The following GALNT13 variants were observed in gnomAD, a reference collection of about 807,000 sequenced individuals.
The protein encoded by GALNT13 is UDP-GalNAc:polypeptide N-acetylgalactosaminyltransferase 13.
GALNT13 carries 28 observed loss-of-function variants against 64.2 expected under a neutral mutation model. That is an observed-to-expected ratio of 0.44 (90% confidence interval 0.32 to 0.60). The LOEUF is 0.60. GALNT13 is among the 20% of genes least tolerant of loss of function. The pLI, the probability that GALNT13 is intolerant of heterozygous loss-of-function variation, is 0.05. For missense variants in GALNT13, 577 were observed against 669.8 expected (o/e 0.86, Z 1.53); for synonymous variants, 214 against 224.6 (o/e 0.95, Z 0.42).
chr2:153,810,166 T>A, the GALNT13 span, among the ~76,000 whole-genome samples: 1 of 152,156 alleles, frequency 6.6e-6, no homozygotes, highest in Non-Finnish European at 1.5e-5. Context: ...TGTTTCACCT[T>A]GTTAGCCAGG....
chr2:154,166,813 T>G (rs1479512043), intron 4 of GALNT13, among the ~76,000 whole-genome samples: 1 of 152,200 alleles, frequency 6.6e-6, no homozygotes, highest in East Asian at 1.9e-4. Context: ...AAGGATGAGT[T>G]CATGTCCTTT....
chr2:153,104,404 G>T, the GALNT13 span, among the ~76,000 whole-genome samples: 3 of 152,108 alleles, frequency 2.0e-5, no homozygotes, highest in Admixed American at 6.6e-5. Context: ...AAAAATTTTT[G>T]GATTTCTGAC....
chr2:153,119,352 C>T, the GALNT13 span, among the ~76,000 whole-genome samples: 1 of 151,908 alleles, frequency 6.6e-6, no homozygotes, highest in South Asian at 2.1e-4. Context: ...ATACTAGAAC[C>T]CTAAATTAAT....
At chr2:154,211,801 A>G (rs1559027629) in intron 4 of GALNT13, among the ~76,000 whole-genome samples, 1 of 152,078 alleles carries the variant, frequency 6.6e-6, no homozygotes, top group African/African-American at 2.4e-5. Flanking sequence ...TTATGGTCCT[A>G]GATAAGATAT....
At chr2:153,591,566 C>A in the GALNT13 span, among the ~76,000 whole-genome samples, 2 of 151,988 alleles carry the variant, frequency 1.3e-5, no homozygotes, top group Admixed American at 6.6e-5. Context: ...GCTACAGTAA[C>A]CAAAACAGCA....
chr2:154,206,895 G>A (rs1365126134), intron 4 of GALNT13, among the ~76,000 whole-genome samples: 3 of 151,870 alleles, frequency 2.0e-5, no homozygotes, highest in Non-Finnish European at 4.4e-5. Context: ...GTGCAAATCA[G>A]CAATCAGGAT....
intron 3 of GALNT13, among the ~76,000 whole-genome samples, chr2:154,008,796 G>A (rs1696429560): frequency 6.6e-6 from 1 of 151,948 alleles, no homozygotes; most frequent in African/African-American, 2.4e-5. Flanking sequence ...GAATTCCATG[G>A]TATATATATG....
At chr2:153,579,476 T>A in the GALNT13 span, among the ~76,000 whole-genome samples, 1 of 152,226 alleles carries the variant, frequency 6.6e-6, no homozygotes, top group Non-Finnish European at 1.5e-5. Context: ...CTGATTGTAA[T>A]GTTATTTTGA....
Position 154,229,063 on chromosome 2 carries a change from C to A in GALNT13, c.312-12967C>A, listed in dbSNP as rs1688776583. 2.0e-5 allele frequency among the ~76,000 whole-genome samples: 3 copies of A among 151,806 alleles called. No homozygotes were observed. The South Asian group carries it at 6.2e-4, about 32-fold the overall frequency. ...CCGGGGCAAGCCTCTTGTCCTTTGC[C>A]AACACTGGGCTGTTCTTAATGTAGT... is the stretch of plus-strand genomic sequence containing the variant. On this transcript the variant is annotated intron_variant, in intron 4 of 12. Transcript: ENST00000392825.
At chr2:154,343,136 T>C (rs1407797908) in intron 9 of GALNT13, among the ~76,000 whole-genome samples, 1 of 151,920 alleles carries the variant, frequency 6.6e-6, no homozygotes, top group African/African-American at 2.4e-5. Context: ...GTCCTGCCCT[T>C]TGGAGCTAAA....
the GALNT13 span, among the ~76,000 whole-genome samples, chr2:153,597,075 T>C: frequency 3.9e-5 from 6 of 152,276 alleles, no homozygotes; most frequent in African/African-American, 1.4e-4. Context: ...TTTTCTCATT[T>C]CTATTCTACA....
chr2:154,054,215 G>A (rs1699786788), intron 3 of GALNT13, among the ~76,000 whole-genome samples: 1 of 151,884 alleles, frequency 6.6e-6, no homozygotes, highest in Admixed American at 6.6e-5. Context: ...TTATGATACA[G>A]GTTCACTTCT....
the GALNT13 span, among the ~76,000 whole-genome samples, chr2:153,337,233 C>T: frequency 6.6e-6 from 1 of 152,114 alleles, no homozygotes; most frequent in Non-Finnish European, 1.5e-5. Context: ...GCCTAAGAAA[C>T]AGAATTTCTT....
the GALNT13 span, among the ~76,000 whole-genome samples, chr2:153,562,281 T>C: frequency 6.6e-6 from 1 of 152,152 alleles, no homozygotes; most frequent in Non-Finnish European, 1.5e-5. Context: ...TTCGTTTTTT[T>C]ATCAGTACTA....
At chr2:153,333,053 T>C in the GALNT13 span, among the ~76,000 whole-genome samples, 1 of 151,880 alleles carries the variant, frequency 6.6e-6, no homozygotes, top group Non-Finnish European at 1.5e-5. Flanking sequence ...GCTATGGAGG[T>C]CCCTACCCTG....
At chr2:153,713,493 C>A in the GALNT13 span, among the ~76,000 whole-genome samples, 1 of 151,860 alleles carries the variant, frequency 6.6e-6, no homozygotes, top group Non-Finnish European at 1.5e-5. Flanking sequence ...GAGACCATGT[C>A]TTTTTTTTGT....
At chr2:154,352,383 A>G (rs2105259217) in intron 9 of GALNT13, among the ~76,000 whole-genome samples, 1 of 152,306 alleles carries the variant, frequency 6.6e-6, no homozygotes, top group Non-Finnish European at 1.5e-5. Context: ...GGTAGATAAA[A>G]CAGGTATTTA....
the GALNT13 span, among the ~76,000 whole-genome samples, chr2:153,781,069 G>A: frequency 6.6e-6 from 1 of 152,262 alleles, no homozygotes; most frequent in Non-Finnish European, 1.5e-5. Context: ...GTGAAGTGGT[G>A]GGCTTGCAGT....
At chr2:153,936,612 C>T (rs935133917) in intron 2 of GALNT13, among the ~76,000 whole-genome samples, 3 of 152,036 alleles carry the variant, frequency 2.0e-5, no homozygotes, top group Admixed American at 6.6e-5. Flanking sequence ...CCCTTCTTAG[C>T]GATGAACCAT....
Sources: allele counts gnomAD v4.1 joint callset (sites outside exome capture counted in the v4.1 genomes callset), GRCh38; gene constraint gnomAD v4.1.1; transcripts MANE v1.5; gene names NCBI Gene and HGNC (gene_info 2026-07-23, HGNC 2026-07-21).